The following GJB7 variants were observed in gnomAD, a reference collection of about 807,000 sequenced individuals.
The protein encoded by GJB7 is gap junction beta-7 protein.
For missense variants in GJB7, 253 were observed against 256.8 expected (o/e 0.99, Z 0.10); for synonymous variants, 87 against 95.2 (o/e 0.91, Z 0.50).
intron 2 of GJB7, among the ~76,000 whole-genome samples, chr6:87,305,972 A>G (rs1318161614): frequency 1.3e-5 from 2 of 152,096 alleles, no homozygotes; most frequent in African/African-American, 4.8e-5. Flanking sequence ...CTGGCTAGCC[A>G]TATGTAGAAA....
At chr6:87,307,895 T>C (rs146554197) in intron 2 of GJB7, among the ~76,000 whole-genome samples, 5 of 152,332 alleles carry the variant, frequency 3.3e-5, no homozygotes, top group Non-Finnish European at 5.9e-5. Flanking sequence ...CAAAGGATTA[T>C]ACATCATGCT....
rs554108765 is a variant in GJB7, at chr6:87,299,806, T to C, written c.-27-14867A>G. Reference sequence around the variant, plus strand: ...AGTTGGAGAGGTCATTTTGACCAAATATGATGCTATGCTTTTAAAAGGAAA... The same window carrying C: ...AGTTGGAGAGGTCATTTTGACCAAACATGATGCTATGCTTTTAAAAGGAAA... On this transcript the variant is annotated intron_variant, in intron 2 of 2. Coordinates refer to ENST00000525899, the MANE Select transcript of GJB7 (RefSeq NM_198568.3). 2.0e-3 allele frequency: 353 copies of C among 172,276 alleles called. 4 individuals carry two copies. Among genetic ancestry groups the C allele is most frequent in the African/African-American group, 8.1e-3 (343 of 42,140 alleles). The allele number at this position is 172,276 out of a possible 1,614,324, so 10.7% of individuals were successfully genotyped here.
At chr6:87,305,642 C>T (rs1776413736) in intron 2 of GJB7, among the ~76,000 whole-genome samples, 2 of 152,138 alleles carry the variant, frequency 1.3e-5, no homozygotes, top group Admixed American at 6.5e-5. Flanking sequence ...CATCAAGCTG[C>T]CAATGACATT....
At chr6:87,304,879 A>G (rs1053813083) in intron 2 of GJB7, among the ~76,000 whole-genome samples, 11 of 152,202 alleles carry the variant, frequency 7.2e-5, no homozygotes, top group African/African-American at 2.7e-4. Flanking sequence ...ACATATGCAA[A>G]TCAATGAACG....
At chr6:87,291,667 C>T (rs183230633) in intron 2 of GJB7, among the ~76,000 whole-genome samples, 38 of 152,286 alleles carry the variant, frequency 2.5e-4, no homozygotes, top group African/African-American at 7.0e-4. Context: ...AACCTTACTT[C>T]GTGGCAGCTT....
chr6:87,284,462 C>G lies in GJB7; in HGVS notation c.451G>C (p.Val151Leu). Residue 151 changes from valine to leucine, a missense_variant, in exon 3 of 3, where the codon GTT becomes CTT. Coordinates refer to ENST00000525899, the MANE Select transcript of GJB7 (RefSeq NM_198568.3). ...AAATCACACTTTATAAGGTAGGGAA[C>G]ACTAAAGCCATCATATAGCTTATAA... ...LFYKLYDGFS[V>L]PYLIKCDLKP... 1 of 1,613,946 alleles carries G rather than the reference C, an allele frequency of 6.2e-7. No homozygotes were observed. Among genetic ancestry groups the G allele is most frequent in the South Asian group, 1.1e-5 (1 of 91,076 alleles).
At chr6:87,308,104 T>A (rs1371582609) in intron 2 of GJB7, among the ~76,000 whole-genome samples, 2 of 152,136 alleles carry the variant, frequency 1.3e-5, no homozygotes, top group Non-Finnish European at 2.9e-5. Context: ...GAAACCATCA[T>A]TCTCAGCAAA....
intron 1 of GJB7, among the ~76,000 whole-genome samples, chr6:87,326,405 G>A (rs1292917261): frequency 1.3e-5 from 2 of 151,948 alleles, no homozygotes; most frequent in African/African-American, 4.8e-5. Flanking sequence ...TGGGCATTTA[G>A]GGCTATAAAT....
chr6:87,300,633 A>G (rs1345858510), intron 2 of GJB7, among the ~76,000 whole-genome samples: 2 of 152,256 alleles, frequency 1.3e-5, no homozygotes, highest in Non-Finnish European at 1.5e-5. Flanking sequence ...GCCATTGTCC[A>G]TGCCTACAAA....
rs554667733 is a variant in GJB7 at position 87,328,773 on chromosome 6, G to A, written c.-206+365C>T. 4.6e-3 allele frequency among the ~76,000 whole-genome samples: 703 copies of A among 152,322 alleles called. 2 individuals are homozygous for A. Among genetic ancestry groups the A allele is most frequent in the African/African-American group, 0.016 (668 of 41,560 alleles). On this transcript the variant is annotated intron_variant, in intron 1 of 2. Transcript: ENST00000525899. ...GGCAGGCCTCCTTGAGCTGTGGTGG[G>A]CTCCACCCAGTTCGAGCTTCCCAGC...
chr6:87,286,364 A>C (rs978428369), intron 2 of GJB7, among the ~76,000 whole-genome samples: 3 of 152,104 alleles, frequency 2.0e-5, no homozygotes, highest in African/African-American at 7.2e-5. Context: ...CTCTCTCATG[A>C]CCTTTTTAAT....
intron 2 of GJB7, chr6:87,300,185 T>G: frequency 4.7e-6 from 1 of 212,128 alleles, no homozygotes. Flanking sequence ...AATCCTGCAG[T>G]GACTATTGTT....
At chr6:87,288,501 C>T (rs1776107272) in intron 2 of GJB7, among the ~76,000 whole-genome samples, 1 of 152,316 alleles carries the variant, frequency 6.6e-6, no homozygotes, top group Admixed American at 6.5e-5. Flanking sequence ...TATGTATCTC[C>T]AGTGTGGACC....
At chr6:87,299,719 G>A (rs1776293975) in intron 2 of GJB7, 1 of 161,430 alleles carries the variant, frequency 6.2e-6, no homozygotes, top group African/African-American at 2.4e-5. Flanking sequence ...TGGTGGTCTG[G>A]TGTTTAGTGA....
intron 2 of GJB7, among the ~76,000 whole-genome samples, chr6:87,286,607 A>G (rs903204150): frequency 1.3e-5 from 2 of 151,884 alleles, no homozygotes; most frequent in Non-Finnish European, 2.9e-5. Context: ...CTTCTTTTTC[A>G]TTTCGGTGAC....
rs968997221 is a variant in GJB7 at position 87,322,920 on chromosome 6, ACT to A, written c.-84_-83del. On this transcript the variant is annotated 5_prime_UTR_variant, in exon 2 of 3. Transcript: ENST00000525899. ...ATCCATGGACACCCCCACCCCGAGAACTCTCTCGTTTCCTGCAGTTTCTTAGT... is the reference window on the plus strand; with the variant it reads ...ATCCATGGACACCCCCACCCCGAGAACTCTCGTTTCCTGCAGTTTCTTAGT... The A allele has an allele frequency of 6.6e-6, 1 of 151,694 alleles. No individual in the cohort carries two copies. The highest frequency in any genetic ancestry group is 1.5e-5 in the Non-Finnish European group (1 of 67,976). 9.4% of individuals were successfully genotyped at this position (151,694 alleles called of 1,614,324 possible).
At chr6:87,324,118 G>C (rs549218703) in intron 1 of GJB7, among the ~76,000 whole-genome samples, 1 of 151,852 alleles carries the variant, frequency 6.6e-6, no homozygotes, top group Non-Finnish European at 1.5e-5. Flanking sequence ...TTTTGATGGG[G>C]TTCTTTGTTT....
intron 2 of GJB7, among the ~76,000 whole-genome samples, chr6:87,291,746 G>T (rs564047912): frequency 5.3e-5 from 8 of 152,112 alleles, no homozygotes; most frequent in Non-Finnish European, 1.2e-4. Context: ...CAATAATTTG[G>T]ATAACTTCTC....
At chr6:87,298,353 C>G (rs554827574) in intron 2 of GJB7, among the ~76,000 whole-genome samples, 1 of 152,134 alleles carries the variant, frequency 6.6e-6, no homozygotes, top group South Asian at 2.1e-4. Context: ...AGTGGAGAAC[C>G]AAGAGGAAAG....
Sources: allele counts gnomAD v4.1 joint callset (sites outside exome capture counted in the v4.1 genomes callset), GRCh38; gene constraint gnomAD v4.1.1; transcripts MANE v1.5; gene names NCBI Gene and HGNC (gene_info 2026-07-23, HGNC 2026-07-21).